The following TRIM10 variants were observed in gnomAD, a reference collection of about 807,000 sequenced individuals.
TRIM10 encodes the protein tripartite motif-containing protein 10.
Under a neutral mutation model 40.0 loss-of-function variants are expected in TRIM10, and 42 were observed. The observed-to-expected ratio is 1.05, with a 90% CI of 0.82 to 1.36. The LOEUF is 1.36. Ranked by LOEUF, TRIM10 falls within the 40% of genes most tolerant of loss-of-function variation. TRIM10 has a pLI of 0.00. For missense variants in TRIM10, 601 were observed against 608.3 expected, an observed-to-expected ratio of 0.99 and a Z score of 0.13; for synonymous variants, 260 against 239.5, an observed-to-expected ratio of 1.09 and a Z score of -0.79.
rs559075573 is a variant in TRIM10, at chr6:30,153,849, C to T, written c.*120G>A. 1.4e-5 allele frequency: 23 copies of T among 1,605,740 alleles called. 1 individual carries two copies. The African/African-American group carries it at 2.3e-4, about 16-fold the overall frequency. On this transcript the variant is annotated 3_prime_UTR_variant, in exon 7 of 7. Transcript: ENST00000449742. ...CCCTTACCACCCGGCCCCATCCCAT[C>T]TTCTAAAGCAGTCATTTCTATTCCA...
At chr6:30,158,294 T>C in intron 3 of TRIM10, 105 bp downstream of exon 3, 4 of 962,652 alleles carry the variant, frequency 4.2e-6, no homozygotes, top group Non-Finnish European at 4.9e-6. Flanking sequence ...ACCTCCCATC[T>C]GGGATACAGA....
chr6:30,160,777 T>C lies in TRIM10; in HGVS notation c.82A>G (p.Thr28Ala). 6 of 1,614,132 alleles carry C rather than the reference T, an allele frequency of 3.7e-6. No individual in the cohort carries two copies. Among genetic ancestry groups the C allele is most frequent in the Non-Finnish European group, 5.1e-6 (6 of 1,180,026 alleles). Residue 28 changes from threonine to alanine, a missense_variant, in exon 1 of 7, where the codon ACT (threonine) becomes GCT (alanine). Physicochemically the swap from Thr to Ala is moderately conservative, Grantham distance 58. Transcript: ENST00000449742. ...ICQGTLREPVTIDCGHNFCRA... is the reference protein window; with the variant it reads ...ICQGTLREPVAIDCGHNFCRA... ...CAGAAGTTGTGGCCGCAGTCGATAG[T>C]GACCGGCTCCCTCAGGGTACCCTGA...
intron 6 of TRIM10, 194 bp from the exon 7 acceptor site, chr6:30,154,680 A>C (rs1562116256): frequency 4.0e-6 from 3 of 747,586 alleles, no homozygotes; most frequent in Non-Finnish European, 7.0e-6. Flanking sequence ...CATCCTAACA[A>C]GATGCCCAGG....
chr6:30,154,295 C>A lies in TRIM10; in HGVS notation c.1120G>T (p.Ala374Ser), dbSNP rs1332328369. 1.2e-6 allele frequency: 2 copies of A among 1,613,082 alleles called. No individual in the cohort carries two copies. The highest frequency in any genetic ancestry group is 1.7e-6 in the Non-Finnish European group (2 of 1,180,028). Residue 374 changes from alanine (A) to serine (S), a missense_variant, in exon 7 of 7, where the codon GCC (alanine) becomes TCC (serine). Physicochemically the swap from Ala to Ser is moderately conservative, Grantham distance 99 (BLOSUM62 1). Transcript: ENST00000449742. ...RHTWVVSIDL[A>S]HGGSCTVGVV... Reference sequence around the variant, plus strand: ...CCCACGGTGCAGCTGCCCCCATGGGCCAGGTCTATACTCACCACCCACGTG... The same window carrying A: ...CCCACGGTGCAGCTGCCCCCATGGGACAGGTCTATACTCACCACCCACGTG...
Position 30,154,265 on chromosome 6 carries a change from C to T in TRIM10, c.1150G>A (p.Val384Met). 1 of 1,613,094 alleles carries T rather than the reference C, an allele frequency of 6.2e-7. No individual in the cohort carries two copies. Among genetic ancestry groups the T allele is most frequent in the African/African-American group, 1.3e-5 (1 of 75,072 alleles). Reference protein sequence around the residue: ...AHGGSCTVGVVSEDVQRKGEL... With the variant: ...AHGGSCTVGVMSEDVQRKGEL... ...CCCTTCCGCTGCACATCCTCGCTCA[C>T]CACGCCCACGGTGCAGCTGCCCCCA... Residue 384 changes from valine to methionine, a missense_variant, in exon 7 of 7, where the codon GTG becomes ATG. Transcript: ENST00000449742.
intron 5 of TRIM10, among the ~76,000 whole-genome samples, chr6:30,156,460 C>T (rs1772536822): frequency 1.3e-5 from 2 of 152,050 alleles, no homozygotes; most frequent in East Asian, 3.9e-4. Flanking sequence ...GGAGCACAGT[C>T]CCCGTAGGAC....
In TRIM10 at chr6:30,160,444, C is replaced by T. The variant is rs773312107; in HGVS notation, c.415G>A (p.Ala139Thr). Reference protein sequence around the residue: ...THTMRFLEDAAAPYREQIHKC... With the variant: ...THTMRFLEDATAPYREQIHKC... ...CCCTTTCCTACCCTATAGGGAGCCG[C>T]TGCATCCTCCAGGAAGCGCATGGTG... Residue 139 changes from alanine to threonine, a missense_variant, in exon 1 of 7, where the codon GCG (alanine) becomes ACG (threonine). Coordinates refer to ENST00000449742, the MANE Select transcript of TRIM10 (RefSeq NM_006778.4). 1.2e-6 allele frequency: 2 copies of T among 1,613,818 alleles called. No individual in the cohort carries two copies. Among genetic ancestry groups the T allele is most frequent in the African/African-American group, 1.3e-5 (1 of 74,934 alleles).
At chr6:30,158,742 A>T in intron 2 of TRIM10, 113 bp from the exon 3 acceptor site, 1 of 856,814 alleles carries the variant, frequency 1.2e-6, no homozygotes, top group South Asian at 1.5e-5. Flanking sequence ...TTTCCTTTTC[A>T]CTTGTCATCC....
rs1364149354 is a variant in TRIM10 at position 30,155,956 on chromosome 6, G to A, written c.896-197C>T. 2.0e-5 allele frequency among the ~76,000 whole-genome samples: 3 copies of A among 152,164 alleles called. No homozygotes were observed. In the East Asian group the frequency reaches 5.8e-4, roughly 29 times the overall value. On this transcript the variant is annotated intron_variant, in intron 5 of 6. Coordinates refer to ENST00000449742, the MANE Select transcript of TRIM10 (RefSeq NM_006778.4). ...TTAAAACACATCTGTTTCAGATTCA[G>A]GTGCTCTGGGGTGGAGCTGAACATC...
chr6:30,162,751 C>G (rs1310518241), upstream of TRIM10, among the ~76,000 whole-genome samples: 1 of 151,986 alleles, frequency 6.6e-6, no homozygotes, highest in African/African-American at 2.4e-5. Flanking sequence ...ACATTTCTTT[C>G]TCTGTAAAAT....
rs751090184 is a variant in TRIM10 at position 30,153,962 on chromosome 6, C to T, written c.*7G>A. On this transcript the variant is annotated 3_prime_UTR_variant, in exon 7 of 7. Transcript: ENST00000449742. ...GTACTTAGAGGAGAGTAGGTAACTG[C>T]TCCTTCTCAGGAGCTCAGGGAGAAA... 6.3e-7 allele frequency: 1 copy of T among 1,590,564 alleles called. No homozygotes were observed. The highest frequency in any genetic ancestry group is 2.2e-5 in the East Asian group (1 of 44,466).
upstream of TRIM10, chr6:30,163,853 T>C (rs1773364277): frequency 3.7e-6 from 6 of 1,612,918 alleles, no homozygotes; most frequent in Non-Finnish European, 5.1e-6. Context: ...GATCCTGCTC[T>C]GCCCGCTCTG....
chr6:30,154,055 A>G lies in TRIM10; in HGVS notation c.1360T>C (p.Tyr454His), dbSNP rs1241570094. Residue 454 changes from tyrosine to histidine, a missense_variant, in exon 7 of 7, where the codon TAC becomes CAC. Tyr to His is a moderately conservative substitution (Grantham distance 83, BLOSUM62 2). Coordinates refer to ENST00000449742, the MANE Select transcript of TRIM10 (RefSeq NM_006778.4). ...FTNAVTREPI[Y>H]TFTASFTRKV... Reference sequence around the variant, plus strand: ...CTAGTGAAGGAGGCAGTGAAGGTGTAGATGGGCTCTCGGGTGACAGCGTTG... The same window carrying G: ...CTAGTGAAGGAGGCAGTGAAGGTGTGGATGGGCTCTCGGGTGACAGCGTTG... 1.2e-6 allele frequency: 2 copies of G among 1,612,910 alleles called. No homozygotes were observed. Among genetic ancestry groups the G allele is most frequent in the Admixed American group, 3.3e-5 (2 of 60,024 alleles).
At chr6:30,156,829 A>G (rs1189773266) in intron 5 of TRIM10, 110 bp downstream of exon 5, 8 of 907,782 alleles carry the variant, frequency 8.8e-6, no homozygotes, top group Non-Finnish European at 1.5e-5. Flanking sequence ...AGGCACAGGA[A>G]GGAATAAGGC....
rs757876056 is a variant in TRIM10 at position 30,153,778 on chromosome 6, A to T, written c.*191T>A. On this transcript the variant is annotated 3_prime_UTR_variant, in exon 7 of 7. Transcript: ENST00000449742. ...CAGGTACCCTGGCCATCCACTGGGC[A>T]TTGGGGAAAGGACTTGATCAGTAGA... The T allele has an allele frequency of 6.2e-7, 1 of 1,613,074 alleles. No homozygotes were observed. The highest frequency in any genetic ancestry group is 8.5e-7 in the Non-Finnish European group (1 of 1,180,038).
In TRIM10 at chr6:30,158,443, C is replaced by T. The variant is rs868721021; in HGVS notation, c.712G>A (p.Glu238Lys). The T allele has an allele frequency of 6.2e-7, 1 of 1,613,098 alleles. No homozygotes were observed. The highest frequency in any genetic ancestry group is 8.5e-7 in the Non-Finnish European group (1 of 1,180,024). The change falls in exon 3 of 7, where the codon GAA becomes AAA. Residue 238 changes from glutamate to lysine, a missense_variant. Glu to Lys is a moderately conservative substitution (Grantham distance 56). Coordinates refer to ENST00000449742, the MANE Select transcript of TRIM10 (RefSeq NM_006778.4). ...GGCCTCTCATTCTTCTCCTCCAGTTCTTCAATAAGAGCACTAAACCGGCAG... is the reference window on the plus strand; with the variant it reads ...GGCCTCTCATTCTTCTCCTCCAGTTTTTCAATAAGAGCACTAAACCGGCAG... The part of the protein sequence containing the change: ...EICRFSALIE[E>K]LEEKNERPAR...
In TRIM10 at chr6:30,154,290, A is replaced by G. The variant is rs1214781503; in HGVS notation, c.1125T>C (p.His375=). 1 of 1,612,820 alleles carries G rather than the reference A, an allele frequency of 6.2e-7. No homozygotes were observed. The highest frequency in any genetic ancestry group is 8.5e-7 in the Non-Finnish European group (1 of 1,179,972). Residue 375 remains histidine (H), a synonymous_variant, in exon 7 of 7, where the codon CAT becomes CAC. Coordinates refer to ENST00000449742, the MANE Select transcript of TRIM10 (RefSeq NM_006778.4). ...CCACGCCCACGGTGCAGCTGCCCCCATGGGCCAGGTCTATACTCACCACCC... is the reference window on the plus strand; with the variant it reads ...CCACGCCCACGGTGCAGCTGCCCCCGTGGGCCAGGTCTATACTCACCACCC... ...HTWVVSIDLA[H]GGSCTVGVVS...
chr6:30,158,483 C>T lies in TRIM10; in HGVS notation c.672G>A (p.Leu224=). ...ILRQRDEFDL[L]VAGEICRFSA... ...TAAACCGGCAGATCTCCCCAGCAAC[C>T]AGCAAATCAAATTCATCCCGTTGCC... is the stretch of plus-strand genomic sequence containing the variant. The change falls in exon 3 of 7, where the codon CTG becomes CTA. Residue 224 remains leucine (L), a synonymous_variant. Transcript: ENST00000449742. 1 of 1,613,100 alleles carries T rather than the reference C, an allele frequency of 6.2e-7. No homozygotes were observed. The highest frequency in any genetic ancestry group is 8.5e-7 in the Non-Finnish European group (1 of 1,180,044).
intron 1 of TRIM10, among the ~76,000 whole-genome samples, chr6:30,160,221 G>A (rs1052621821): frequency 6.6e-6 from 1 of 152,058 alleles, no homozygotes; most frequent in Non-Finnish European, 1.5e-5. Context: ...TTGAACTCCC[G>A]TTATCTGTTG....
Sources: allele counts gnomAD v4.1 joint callset (sites outside exome capture counted in the v4.1 genomes callset), GRCh38; gene constraint gnomAD v4.1.1; transcripts MANE v1.5; gene names NCBI Gene and HGNC (gene_info 2026-07-23, HGNC 2026-07-21).